The following PRELID2 variants were observed in gnomAD, a reference collection of about 807,000 sequenced individuals.
PRELID2 encodes the protein PRELI domain-containing protein 2.
Under a neutral mutation model 28.4 loss-of-function variants are expected in PRELID2, and 25 were observed. The ratio of observed to expected loss-of-function variants is 0.88; its 90% CI spans 0.64 to 1.23. PRELID2 has a LOEUF of 1.23. Ranked by LOEUF, PRELID2 falls within the 50% of genes most tolerant of loss-of-function variation. The pLI is 0.00. For synonymous variants in PRELID2, 76 were observed against 71.6 expected (o/e 1.06, Z -0.31); for missense variants, 201 against 214.4 (o/e 0.94, Z 0.39).
At chr5:145,585,297 G>A (rs532563289) in intron 1 of PRELID2, among the ~76,000 whole-genome samples, 30 of 152,122 alleles carry the variant, frequency 2.0e-4, no homozygotes, top group Middle Eastern at 3.4e-3. Context: ...GTGGGGTGGC[G>A]AAGAAGGGAG....
intron 1 of PRELID2, among the ~76,000 whole-genome samples, chr5:145,700,302 G>A (rs2149702311): frequency 6.6e-6 from 1 of 151,848 alleles, no homozygotes; most frequent in East Asian, 1.9e-4. Flanking sequence ...ATGACCTCGG[G>A]CAACTTCAGT....
chr5:145,611,263 A>C (rs532319404), intron 1 of PRELID2, among the ~76,000 whole-genome samples: 7 of 152,178 alleles, frequency 4.6e-5, no homozygotes, highest in African/African-American at 1.7e-4. Context: ...TCCCAGGTTC[A>C]AGTGATTCTC....
At chr5:145,330,690 GTCTA>G in the PRELID2 span, among the ~76,000 whole-genome samples, 17 of 152,026 alleles carry the variant, frequency 1.1e-4, no homozygotes, top group African/African-American at 2.7e-4. Flanking sequence ...CTGGCTAGTG[GTCTA>G]TCTATTTTGT....
intron 1 of PRELID2, among the ~76,000 whole-genome samples, chr5:145,526,607 T>C (rs1752607003): frequency 6.6e-6 from 1 of 152,182 alleles, no homozygotes; most frequent in African/African-American, 2.4e-5. Context: ...TTTATTTTTA[T>C]AATGATCACT....
intron 1 of PRELID2, among the ~76,000 whole-genome samples, chr5:145,529,717 C>CA (rs746978425): frequency 1.8e-4 from 27 of 149,860 alleles, no homozygotes; most frequent in East Asian, 1.6e-3. Flanking sequence ...ACACAAACAA[C>CA]AAAAAAAAGC....
chr5:145,542,754 T>TTTCG (rs2126673144), intron 1 of PRELID2, among the ~76,000 whole-genome samples: 1 of 136,608 alleles, frequency 7.3e-6, no homozygotes, highest in African/African-American at 2.8e-5. Flanking sequence ...TTGTAATTTC[T>TTTCG]TTCTTTCTTT....
rs142095114 is a variant in PRELID2 at position 145,561,934 on chromosome 5, G to A, written n.71-88619C>T. On this transcript the variant is annotated intron_variant and non_coding_transcript_variant, in intron 1 of 2. Coordinates refer to the PRELID2 transcript ENST00000510259. The stretch of plus-strand genomic sequence containing the variant: ...GTCATGCATTTTGGAGGGGCAAATA[G>A]GAGGTGACCACTAATGGGTATAGGT... Among the ~76,000 whole-genome samples the A allele has an allele frequency of 1.2e-3, 188 of 152,272 alleles. 1 individual carries two copies. The East Asian group carries it at 0.015, about 12-fold the overall frequency.
At chr5:145,257,874 G>C in the PRELID2 span, among the ~76,000 whole-genome samples, 10 of 152,142 alleles carry the variant, frequency 6.6e-5, no homozygotes, top group African/African-American at 2.2e-4. Context: ...TGGAGGTGGG[G>C]CCTGGCGGGA....
intron 1 of PRELID2, among the ~76,000 whole-genome samples, chr5:145,830,252 C>T (rs1028919468): frequency 3.3e-5 from 5 of 152,168 alleles, no homozygotes. Flanking sequence ...CACTATGACT[C>T]CTTTGACCAC....
intron 1 of PRELID2, among the ~76,000 whole-genome samples, chr5:145,491,350 C>A (rs1225101308): frequency 6.6e-6 from 1 of 152,032 alleles, no homozygotes; most frequent in Non-Finnish European, 1.5e-5. Flanking sequence ...GGCACTAGTC[C>A]CAGTCAGGAG....
At chr5:145,319,724 T>TC in the PRELID2 span, among the ~76,000 whole-genome samples, 14 of 150,060 alleles carry the variant, frequency 9.3e-5, no homozygotes, top group Admixed American at 5.9e-4. Context: ...AATAAATAAA[T>TC]AAATAATTTT....
At chr5:145,678,323 C>G (rs1754862279) in intron 1 of PRELID2, among the ~76,000 whole-genome samples, 2 of 152,134 alleles carry the variant, frequency 1.3e-5, no homozygotes, top group Non-Finnish European at 2.9e-5. Flanking sequence ...TTTGGTATCC[C>G]AAGGCAGAAG....
intron 1 of PRELID2, among the ~76,000 whole-genome samples, chr5:145,831,091 T>C (rs1755554369): frequency 6.6e-6 from 1 of 152,184 alleles, no homozygotes; most frequent in Non-Finnish European, 1.5e-5. Flanking sequence ...AATAAAAGTG[T>C]ATTTTGCCAA....
intron 1 of PRELID2, among the ~76,000 whole-genome samples, chr5:145,718,474 G>T (rs1434009530): frequency 2.0e-5 from 3 of 151,644 alleles, no homozygotes; most frequent in African/African-American, 7.3e-5. Context: ...TAATTTTCAA[G>T]ACATAAATTT....
intron 1 of PRELID2, among the ~76,000 whole-genome samples, chr5:145,559,258 GA>G (rs779927366): frequency 0.02 from 1,770 of 88,126 alleles, 36 homozygotes; most frequent in African/African-American, 0.061. Flanking sequence ...CATCTCAAAA[GA>G]AAAAAAAAAA....
At chr5:145,501,830 T>C (rs542418176) in intron 1 of PRELID2, among the ~76,000 whole-genome samples, 1 of 152,036 alleles carries the variant, frequency 6.6e-6, no homozygotes, top group Admixed American at 6.6e-5. Flanking sequence ...TGAACTCCCA[T>C]GAGATTCTAT....
intron 1 of PRELID2, among the ~76,000 whole-genome samples, chr5:145,544,619 G>A (rs1440417648): frequency 6.6e-6 from 1 of 152,058 alleles, no homozygotes; most frequent in South Asian, 2.1e-4. Context: ...GGACCAGCTG[G>A]CTTCTTAAAG....
the PRELID2 span, among the ~76,000 whole-genome samples, chr5:145,305,436 G>T: frequency 6.6e-6 from 1 of 152,260 alleles, no homozygotes; most frequent in East Asian, 1.9e-4. Context: ...CTAAGGAGAA[G>T]ATTGTAGGTC....
At chr5:145,516,348 AAGAC>A (rs1055872318) in intron 1 of PRELID2, among the ~76,000 whole-genome samples, 4 of 150,936 alleles carry the variant, frequency 2.7e-5, no homozygotes, top group African/African-American at 7.3e-5. Flanking sequence ...ACACCAATAA[AAGAC>A]AGAGAGCCAA....
Sources: allele counts gnomAD v4.1 joint callset (sites outside exome capture counted in the v4.1 genomes callset), GRCh38; gene constraint gnomAD v4.1.1; transcripts MANE v1.5; gene names NCBI Gene and HGNC (gene_info 2026-07-23, HGNC 2026-07-21).